The following KANTR variants were observed in gnomAD, a reference collection of about 807,000 sequenced individuals.
KANTR encodes the protein KANTR integral membrane protein.
chrX:53,108,513 T>C (rs1280774717), intron 2 of KANTR, among the ~76,000 whole-genome samples: 1 of 111,863 alleles, frequency 8.9e-6, no homozygotes, highest in Non-Finnish European at 1.9e-5. Context: ...CTTAATTTCA[T>C]TTTTTGATTG....
downstream of KANTR, among the ~76,000 whole-genome samples, chrX:53,131,739 C>T (rs1204115153): frequency 2.7e-5 from 3 of 111,999 alleles, no homozygotes; most frequent in Non-Finnish European, 5.6e-5. Flanking sequence ...TCCACTCTCA[C>T]CACTTCTATT....
At chrX:53,115,839 A>T (rs1214580435) in intron 2 of KANTR, among the ~76,000 whole-genome samples, 2 of 111,450 alleles carry the variant, frequency 1.8e-5, no homozygotes, top group African/African-American at 6.5e-5. Flanking sequence ...GGTGCTGTCA[A>T]CTCTCACCTG....
exon 3 of KANTR, chrX:53,124,735 CTCTT>C (rs1933272679): frequency 4.5e-6 from 1 of 220,509 alleles, no homozygotes; most frequent in Non-Finnish European, 8.2e-6. Flanking sequence ...AAAATTTTAT[CTCTT>C]TGTTATTGAA....
chrX:53,103,822 T>C (rs1034177544), intron 2 of KANTR, among the ~76,000 whole-genome samples: 5 of 111,443 alleles, frequency 4.5e-5, no homozygotes, highest in African/African-American at 6.5e-5. Flanking sequence ...TCTGCCTTCT[T>C]CTCTGTACTA....
chrX:53,107,188 CT>C (rs1273564112), intron 2 of KANTR, among the ~76,000 whole-genome samples: 24 of 96,143 alleles, frequency 2.5e-4, no homozygotes, highest in South Asian at 8.9e-4. Context: ...CAATTTCTTT[CT>C]TTTTTTTTTT....
At chrX:53,121,442 T>A (rs1933218951) in intron 2 of KANTR, among the ~76,000 whole-genome samples, 1 of 112,285 alleles carries the variant, frequency 8.9e-6, no homozygotes, top group South Asian at 3.7e-4. Context: ...ATTGCTATAT[T>A]ACTACTACCT....
At chrX:53,112,969 A>G (rs1424360441) in intron 2 of KANTR, 1 of 118,266 alleles carries the variant, frequency 8.5e-6, no homozygotes, top group Non-Finnish European at 1.8e-5. Context: ...TCAGGTTCAC[A>G]GATTCTTTTT....
exon 3 of KANTR, chrX:53,124,669 T>C (rs1933271555): frequency 3.6e-6 from 1 of 280,028 alleles, no homozygotes; most frequent in Non-Finnish European, 6.3e-6. Context: ...GGTTACTTCT[T>C]TGACCTGTAA....
downstream of KANTR, chrX:53,142,789 A>G (rs1556818661): frequency 6.4e-6 from 3 of 466,597 alleles, no homozygotes; most frequent in African/African-American, 4.7e-5. Context: ...CTCATCATAC[A>G]TACCTGATGG....
chrX:53,134,542 A>G (rs1454743938), intron 2 of KANTR, among the ~76,000 whole-genome samples: 1 of 111,460 alleles, frequency 9.0e-6, no homozygotes, highest in Admixed American at 9.6e-5. Context: ...ATGTCTTTCA[A>G]CTGTACATGG....
At position 53,106,147 on chromosome X, in the gene KANTR, G is replaced by A. The variant is rs182642540; in HGVS notation, c.-805+6539G>A. Among the ~76,000 whole-genome samples the A allele has an allele frequency of 5.1e-3, 559 of 109,141 alleles. 7 individuals carry two copies. The highest frequency in any genetic ancestry group is 8.9e-3 in the Non-Finnish European group (467 of 52,768). The allele number at this position is 109,141 out of a possible 115,157, so 94.8% of individuals were successfully genotyped here. ...GCTGGGATTACAGGCGTGAGCCACC[G>A]CGCCTGGCCAGATAATATGAATTAT... On this transcript the variant is annotated intron_variant, in intron 2 of 2. Coordinates refer to ENST00000604062, the Ensembl canonical transcript of KANTR.
chrX:53,109,964 AG>A (rs1428945513), intron 2 of KANTR, among the ~76,000 whole-genome samples: 1 of 110,938 alleles, frequency 9.0e-6, no homozygotes, highest in African/African-American at 3.3e-5. Context: ...CATGTTGGCC[AG>A]GGTGGTCTCG....
chrX:53,100,487 A>G (rs1329512642), intron 2 of KANTR, among the ~76,000 whole-genome samples: 1 of 96,636 alleles, frequency 1.0e-5, no homozygotes, highest in African/African-American at 3.9e-5. Flanking sequence ...TCTCAAAAAA[A>G]AAAAAGAAAA....
At chrX:53,112,564 A>G (rs1197411647) in intron 2 of KANTR, among the ~76,000 whole-genome samples, 2 of 111,634 alleles carry the variant, frequency 1.8e-5, no homozygotes, top group Non-Finnish European at 3.8e-5. Flanking sequence ...TCACTTTTTC[A>G]TGGCCTGTAA....
downstream of KANTR, chrX:53,143,973 G>A (rs1933538761): frequency 3.6e-6 from 1 of 275,568 alleles, no homozygotes; most frequent in South Asian, 5.6e-5. Context: ...GGGGGCTGGT[G>A]GCAGCAAGTG....
At chrX:53,132,411 C>T (rs782659126), downstream of KANTR, among the ~76,000 whole-genome samples, 7 of 111,919 alleles carry the variant, frequency 6.3e-5, no homozygotes, top group South Asian at 3.7e-4. Flanking sequence ...AGAATATGAA[C>T]AAGCAATTTC....
intron 1 of KANTR, chrX:53,094,892 C>G (rs1932835365): frequency 1.8e-5 from 2 of 112,532 alleles, no homozygotes; most frequent in Non-Finnish European, 3.8e-5. Context: ...TTTTCTCTGT[C>G]TCTGACCCTT....
intron 2 of KANTR, among the ~76,000 whole-genome samples, chrX:53,116,253 C>T (rs1246945074): frequency 8.9e-6 from 1 of 111,995 alleles, no homozygotes. Flanking sequence ...CATCTTCCAA[C>T]CCTTGCCAAG....
intron 2 of KANTR, among the ~76,000 whole-genome samples, chrX:53,132,648 G>A (rs994857123): frequency 1.8e-5 from 2 of 111,494 alleles, no homozygotes; most frequent in Non-Finnish European, 3.8e-5. Flanking sequence ...GATGAATGTG[G>A]CACTATCCCC....
Sources: allele counts gnomAD v4.1 joint callset (sites outside exome capture counted in the v4.1 genomes callset), GRCh38; gene constraint gnomAD v4.1.1; transcripts MANE v1.5; gene names NCBI Gene and HGNC (gene_info 2026-07-23, HGNC 2026-07-21).